The following NEDD4 variants were observed in gnomAD, a reference collection of about 807,000 sequenced individuals.
The protein encoded by NEDD4 is NEDD4 E3 ubiquitin protein ligase.
A neutral mutation model predicts 144.9 loss-of-function variants in NEDD4; 99 were observed. That is an observed-to-expected ratio of 0.68 (90% CI 0.58 to 0.81). The LOEUF is 0.81. Among genes scored for constraint, NEDD4 ranks in the 30% least tolerant of loss-of-function variants. NEDD4 has a pLI of 0.00. For synonymous variants in NEDD4, 318 were observed against 350.6 expected (o/e 0.91, Z 1.04); for missense variants, 985 against 1,065.9 (o/e 0.92, Z 1.06).
Position 55,988,744 on chromosome 15 carries a change from T to C in NEDD4, c.45+4767A>G, listed in dbSNP as rs565104390. On this transcript the variant is annotated intron_variant, in intron 1 of 28. Transcript: ENST00000435532. The stretch of plus-strand genomic sequence containing the variant: ...GGAAAGTATTCTTGTTTTAGAAAAA[T>C]ACACACTAGAGTATTTAAAGATGAT... 1.1e-3 allele frequency among the ~76,000 whole-genome samples: 166 copies of C among 152,166 alleles called. 2 individuals carry two copies. The highest frequency in any genetic ancestry group is 3.9e-3 in the African/African-American group (162 of 41,534).
chr15:55,841,997 C>A lies in NEDD4; in HGVS notation c.1775G>T (p.Trp592Leu). ...GLDYGGVARE[W>L]FFLISKEMFN... Reference sequence around the variant, plus strand: ...CATTTCCTTTGAGATCAGGAAGAACCATTCTCTGGCAACTCCTCCATAATC... The same window carrying A: ...CATTTCCTTTGAGATCAGGAAGAACAATTCTCTGGCAACTCCTCCATAATC... The change falls in exon 19 of 29, where the codon TGG becomes TTG. Residue 592 changes from tryptophan to leucine, a missense_variant. Coordinates refer to ENST00000435532, the MANE Select transcript of NEDD4 (RefSeq NM_006154.4). The A allele has an allele frequency of 2.5e-6, 4 of 1,614,174 alleles. No individual in the cohort carries two copies. The South Asian group carries it at 3.3e-5, about 13-fold the overall frequency.
At chr15:55,942,727 G>A (rs1318111925) in intron 4 of NEDD4, among the ~76,000 whole-genome samples, 1 of 152,138 alleles carries the variant, frequency 6.6e-6, no homozygotes, top group Non-Finnish European at 1.5e-5. Flanking sequence ...ACAGAAAATT[G>A]GTAATGGGAA....
intron 4 of NEDD4, among the ~76,000 whole-genome samples, chr15:55,932,945 G>C (rs1485272864): frequency 2.0e-5 from 3 of 152,164 alleles, no homozygotes; most frequent in Non-Finnish European, 4.4e-5. Context: ...GGCCATCAGA[G>C]AGTTTGCATA....
chr15:55,846,476 G>A (rs1409828870), intron 18 of NEDD4, among the ~76,000 whole-genome samples: 7 of 152,170 alleles, frequency 4.6e-5, no homozygotes, highest in Admixed American at 4.6e-4. Flanking sequence ...ATAAGCATAA[G>A]GAGACAAGTC....
chr15:55,924,700 C>T lies in NEDD4; in HGVS notation c.238-1G>A, dbSNP rs1434436453. The T allele has an allele frequency of 3.7e-6, 6 of 1,606,756 alleles. No homozygotes were observed. The highest frequency in any genetic ancestry group is 5.1e-6 in the Non-Finnish European group (6 of 1,176,524). On this transcript the variant is annotated splice_acceptor_variant, in intron 4 of 28. Transcript: ENST00000435532. LOFTEE classifies it high-confidence loss of function. ...GAAGCCGGTGCTGCTGAGGATGAAC[C>T]TAAGAAAAACACAATCTTTATTTAA...
chr15:55,914,077 G>C (rs2036356229), intron 5 of NEDD4, among the ~76,000 whole-genome samples: 2 of 151,616 alleles, frequency 1.3e-5, no homozygotes, highest in Non-Finnish European at 1.5e-5. Flanking sequence ...TTTATCCTTA[G>C]TAAAGTAGTG....
At chr15:55,895,795 A>G (rs2035721035) in intron 5 of NEDD4, among the ~76,000 whole-genome samples, 1 of 152,252 alleles carries the variant, frequency 6.6e-6, no homozygotes, top group Admixed American at 6.5e-5. Flanking sequence ...AGCTGAAGAT[A>G]AATGAGCAGG....
At chr15:55,836,561 T>G (rs1277710374) in intron 24 of NEDD4, among the ~76,000 whole-genome samples, 1 of 152,128 alleles carries the variant, frequency 6.6e-6, no homozygotes, top group East Asian at 1.9e-4. Flanking sequence ...AGTCTCGCTC[T>G]GTTGCCCAGG....
chr15:55,834,000 T>C, intron 26 of NEDD4, 38 bp downstream of exon 26: 1 of 1,435,926 alleles, frequency 7.0e-7, no homozygotes, highest in East Asian at 2.3e-5. Flanking sequence ...ATTCAATCTA[T>C]CAAAAAGTAA....
intron 5 of NEDD4, among the ~76,000 whole-genome samples, chr15:55,906,150 G>A (rs1595825993): frequency 6.6e-6 from 1 of 152,314 alleles, no homozygotes; most frequent in Non-Finnish European, 1.5e-5. Flanking sequence ...TGGAGAGGAT[G>A]TGGAGAAATA....
intron 20 of NEDD4, 24 bp from the exon 21 acceptor site, chr15:55,840,541 A>G: frequency 3.1e-6 from 5 of 1,613,840 alleles, no homozygotes; most frequent in Non-Finnish European, 4.2e-6. Flanking sequence ...AAATACATTT[A>G]GGATGATTAC....
chr15:55,889,124 C>A (rs2035483230), intron 5 of NEDD4, among the ~76,000 whole-genome samples: 1 of 152,096 alleles, frequency 6.6e-6, no homozygotes, highest in African/African-American at 2.4e-5. Context: ...AAAGCTTTTG[C>A]ACAGCCCACA....
chr15:55,833,834 CT>C (rs1306494362), intron 26 of NEDD4, among the ~76,000 whole-genome samples: 1 of 152,162 alleles, frequency 6.6e-6, no homozygotes, highest in Non-Finnish European at 1.5e-5. Context: ...CACTTACTAC[CT>C]TCTGAACATT....
At chr15:55,931,603 G>T (rs2036783130) in intron 4 of NEDD4, among the ~76,000 whole-genome samples, 1 of 152,064 alleles carries the variant, frequency 6.6e-6, no homozygotes, top group African/African-American at 2.4e-5. Flanking sequence ...GAGGAAAAAA[G>T]TTGCCAAAAA....
Position 55,862,903 on chromosome 15 carries a change from C to A in NEDD4, c.674+10G>T, listed in dbSNP as rs770282305. 6.4e-7 allele frequency: 1 copy of A among 1,573,722 alleles called. No individual in the cohort carries two copies. The highest frequency in any genetic ancestry group is 1.2e-5 in the South Asian group (1 of 84,094). On this transcript the variant is annotated intron_variant, in intron 9 of 28. Transcript: ENST00000435532. ...TCCAGATTAAAATTGTGAAAGCCAT[C>A]AGCACATACTGAGGGGTTGGTCTTT...
At chr15:55,850,805 TA>T (rs1437541217) in intron 13 of NEDD4, 63 bp from the exon 14 acceptor site, 32 of 1,445,564 alleles carry the variant, frequency 2.2e-5, no homozygotes, top group Non-Finnish European at 2.7e-5. Context: ...TAGATGTAGT[TA>T]AAAAGGTAAC....
At chr15:55,920,996 T>C (rs1244513680) in intron 5 of NEDD4, among the ~76,000 whole-genome samples, 1 of 152,148 alleles carries the variant, frequency 6.6e-6, no homozygotes, top group African/African-American at 2.4e-5. Context: ...TCTAACACAG[T>C]AGATATACTA....
intron 12 of NEDD4, among the ~76,000 whole-genome samples, chr15:55,854,173 C>G (rs1434306761): frequency 6.6e-6 from 1 of 152,140 alleles, no homozygotes; most frequent in South Asian, 2.1e-4. Context: ...AAAAAAAGTC[C>G]TAAATCTGGC....
At chr15:55,835,105 A>G (rs1041747616) in intron 24 of NEDD4, among the ~76,000 whole-genome samples, 23 of 151,774 alleles carry the variant, frequency 1.5e-4, no homozygotes, top group Admixed American at 1.3e-4. Context: ...AAAACTAATG[A>G]CTCTCTTTTT....
Sources: allele counts gnomAD v4.1 joint callset (sites outside exome capture counted in the v4.1 genomes callset), GRCh38; gene constraint gnomAD v4.1.1; transcripts MANE v1.5; gene names NCBI Gene and HGNC (gene_info 2026-07-23, HGNC 2026-07-21).